Variants in TIMMDC1 observed in about 807,000 individuals in gnomAD.
TIMMDC1 encodes the protein complex I assembly factor TIMMDC1, mitochondrial.
A neutral mutation model predicts 32.6 loss-of-function variants in TIMMDC1; 25 were observed. The observed-to-expected ratio is 0.77, with a 90% CI of 0.56 to 1.07. The LOEUF (loss-of-function observed/expected upper bound fraction) is 1.07, where lower values mean the gene tolerates loss of function less well. Among genes scored for constraint, TIMMDC1 ranks in the 50% least tolerant of loss-of-function variants. TIMMDC1 has a pLI of 0.00. For missense variants in TIMMDC1, 329 were observed against 349.2 expected, an observed-to-expected ratio of 0.94 and a Z score of 0.46; for synonymous variants, 130 against 127.6, an observed-to-expected ratio of 1.02 and a Z score of -0.13.
Position 119,511,545 on chromosome 3 carries a change from AT to A in TIMMDC1, c.518-2095del, listed in dbSNP as rs548389638. On this transcript the variant is annotated intron_variant, in intron 4 of 6. Transcript: ENST00000494664. ...ATCTGCACAGTTCAAACTCATGTTT[AT>A]CAACTGTATGTATTTTTAAGCATAA... 2.5e-3 allele frequency among the ~76,000 whole-genome samples: 374 copies of A among 152,308 alleles called. 2 individuals carry two copies. Among genetic ancestry groups the A allele is most frequent in the African/African-American group, 7.5e-3 (313 of 41,582 alleles).
chr3:119,504,524 A>G (rs539857085), intron 4 of TIMMDC1, among the ~76,000 whole-genome samples: 1 of 152,118 alleles, frequency 6.6e-6, no homozygotes, highest in Non-Finnish European at 1.5e-5. Context: ...GACTATAGGA[A>G]TGGACTAGAT....
chr3:119,518,702 A>G (rs548656919), intron 6 of TIMMDC1, among the ~76,000 whole-genome samples: 1 of 152,282 alleles, frequency 6.6e-6, no homozygotes, highest in East Asian at 1.9e-4. Flanking sequence ...GTCTTCCACC[A>G]CTGGCAACCC....
At chr3:119,515,357 G>T (rs2081979174) in intron 5 of TIMMDC1, among the ~76,000 whole-genome samples, 1 of 152,084 alleles carries the variant, frequency 6.6e-6, no homozygotes, top group African/African-American at 2.4e-5. Context: ...GGGCCCCTTT[G>T]TGTTTAAACC....
chr3:119,504,630 A>G (rs1247034866), intron 4 of TIMMDC1, among the ~76,000 whole-genome samples: 1 of 152,224 alleles, frequency 6.6e-6, no homozygotes, highest in Non-Finnish European at 1.5e-5. Flanking sequence ...AATAGAAGGT[A>G]CAATGGTGAT....
intron 2 of TIMMDC1, 34 bp downstream of exon 2, chr3:119,500,894 C>G (rs762179052): frequency 1.9e-6 from 3 of 1,595,204 alleles, no homozygotes; most frequent in Non-Finnish European, 1.7e-6. Context: ...ATTTGGGGCA[C>G]ACTGACTTAG....
chr3:119,511,190 T>A (rs2081949758), intron 4 of TIMMDC1, among the ~76,000 whole-genome samples: 1 of 152,080 alleles, frequency 6.6e-6, no homozygotes, highest in Non-Finnish European at 1.5e-5. Context: ...TGAAAAAAAT[T>A]CATGTGGCCT....
At chr3:119,510,772 G>A (rs1480093726) in intron 4 of TIMMDC1, among the ~76,000 whole-genome samples, 4 of 152,188 alleles carry the variant, frequency 2.6e-5, no homozygotes, top group African/African-American at 7.2e-5. Flanking sequence ...TGGTGCTTAT[G>A]TAAAAAAATC....
chr3:119,523,227 T>C (rs190209864), intron 6 of TIMMDC1, among the ~76,000 whole-genome samples: 21 of 152,280 alleles, frequency 1.4e-4, no homozygotes, highest in African/African-American at 4.8e-4. Flanking sequence ...AGTTTAAGAG[T>C]GGCAGGGTAC....
intron 6 of TIMMDC1, among the ~76,000 whole-genome samples, chr3:119,518,490 G>A (rs2082000727): frequency 6.6e-6 from 1 of 150,446 alleles, no homozygotes; most frequent in Non-Finnish European, 1.5e-5. Flanking sequence ...AAGCATTGAG[G>A]TTGCAGTGAG....
At chr3:119,521,890 T>G (rs1360261293) in intron 6 of TIMMDC1, among the ~76,000 whole-genome samples, 1 of 152,144 alleles carries the variant, frequency 6.6e-6, no homozygotes, top group Non-Finnish European at 1.5e-5. Flanking sequence ...GAATGTCTAT[T>G]ATCAGAAAGA....
At chr3:119,503,421 T>A (rs2081893102) in intron 2 of TIMMDC1, 111 bp from the exon 3 acceptor site, 1 of 680,102 alleles carries the variant, frequency 1.5e-6, no homozygotes, top group Admixed American at 3.5e-5. Context: ...AGTATTTCTA[T>A]CTGTTTGGGT....
At chr3:119,501,521 A>G (rs1330797420) in intron 2 of TIMMDC1, among the ~76,000 whole-genome samples, 1 of 152,204 alleles carries the variant, frequency 6.6e-6, no homozygotes, top group Non-Finnish European at 1.5e-5. Context: ...CCTAAAAACA[A>G]GGAAATTCTC....
At chr3:119,501,747 G>A (rs1266645040) in intron 2 of TIMMDC1, among the ~76,000 whole-genome samples, 1 of 152,074 alleles carries the variant, frequency 6.6e-6, no homozygotes, top group Non-Finnish European at 1.5e-5. Context: ...TCTGACCCTG[G>A]ATCACATGTT....
intron 5 of TIMMDC1, among the ~76,000 whole-genome samples, chr3:119,516,424 G>A (rs193204008): frequency 3.3e-4 from 50 of 152,172 alleles, no homozygotes; most frequent in African/African-American, 1.1e-3. Context: ...CCTGTTGAAC[G>A]GATTGCCCTC....
intron 2 of TIMMDC1, among the ~76,000 whole-genome samples, chr3:119,501,278 T>G (rs1438115058): frequency 6.6e-6 from 1 of 152,264 alleles, no homozygotes; most frequent in Non-Finnish European, 1.5e-5. Context: ...TCAGTTCTTT[T>G]GTGAGAATAT....
In TIMMDC1 at chr3:119,498,882, A is replaced by G. The variant is rs1395845175; in HGVS notation, c.149A>G (p.Tyr50Cys). ...KRLPYVPEPY[Y>C]PESGWDRLRE... ...CTTCCCTACGTCCCAGAGCCCTATT[A>G]CCCGGAATCTGGATGGGACCGCCTC... The change falls in exon 1 of 7, where the codon TAC (tyrosine) becomes TGC (cysteine). Residue 50 changes from tyrosine (Y) to cysteine (C), a missense_variant. Physicochemically the swap from Tyr to Cys is radical, Grantham distance 194. Transcript: ENST00000494664. The G allele has an allele frequency of 6.2e-7, 1 of 1,613,998 alleles. No homozygotes were observed. The highest frequency in any genetic ancestry group is 8.5e-7 in the Non-Finnish European group (1 of 1,179,992).
intron 4 of TIMMDC1, 77 bp downstream of exon 4, chr3:119,504,098 C>A: frequency 9.2e-7 from 1 of 1,091,128 alleles, no homozygotes; most frequent in Non-Finnish European, 1.4e-6. Context: ...TACATCAGAA[C>A]TACTGAATTC....
chr3:119,515,054 G>A (rs2081976056), intron 5 of TIMMDC1, among the ~76,000 whole-genome samples: 1 of 151,994 alleles, frequency 6.6e-6, no homozygotes, highest in African/African-American at 2.4e-5. Context: ...GCCAGGTGTG[G>A]TGGCAAGCGC....
At chr3:119,522,125 CTAT>C (rs1194739520) in intron 6 of TIMMDC1, among the ~76,000 whole-genome samples, 3 of 151,942 alleles carry the variant, frequency 2.0e-5, no homozygotes, top group Non-Finnish European at 2.9e-5. Context: ...TATTGTAGCA[CTAT>C]TAATAGCCAA....
Sources: allele counts gnomAD v4.1 joint callset (sites outside exome capture counted in the v4.1 genomes callset), GRCh38; gene constraint gnomAD v4.1.1; transcripts MANE v1.5; gene names NCBI Gene and HGNC (gene_info 2026-07-23, HGNC 2026-07-21).